Variants in PCDH9 observed in about 807,000 individuals in gnomAD.
PCDH9 encodes the protein protocadherin 9, also known as protocadherin-9.
In PCDH9, 24 loss-of-function variants were observed where a neutral mutation model predicts 70.6. The ratio of observed to expected loss-of-function variants is 0.34; its 90% confidence interval spans 0.25 to 0.48. The LOEUF (loss-of-function observed/expected upper bound fraction) is 0.48, where lower values mean the gene tolerates loss of function less well. Ranked by LOEUF, PCDH9 falls within the 20% of genes least tolerant of loss-of-function variation. The pLI is 0.99. For missense variants in PCDH9, 1,281 were observed against 1,503.6 expected, an observed-to-expected ratio of 0.85 and a Z score of 2.45; for synonymous variants, 562 against 558.5, an observed-to-expected ratio of 1.01 and a Z score of -0.09.
At chr13:66,743,667 A>T (rs908142514) in intron 3 of PCDH9, among the ~76,000 whole-genome samples, 1 of 152,256 alleles carries the variant, frequency 6.6e-6, no homozygotes, top group South Asian at 2.1e-4. Context: ...CTATAAAAAC[A>T]AATATGAGTA....
chr13:67,138,917 T>G (rs1429202438), intron 2 of PCDH9, among the ~76,000 whole-genome samples: 1 of 152,186 alleles, frequency 6.6e-6, no homozygotes, highest in Non-Finnish European at 1.5e-5. Context: ...GTGGAACAGT[T>G]ATGGTTTAAG....
chr13:66,976,434 A>G (rs982887615), intron 2 of PCDH9, among the ~76,000 whole-genome samples: 5 of 151,928 alleles, frequency 3.3e-5, no homozygotes, highest in African/African-American at 1.2e-4. Context: ...TTTGGGTGAA[A>G]CTCATTTTCT....
intron 4 of PCDH9, among the ~76,000 whole-genome samples, chr13:66,366,830 A>T (rs529600112): frequency 6.6e-6 from 1 of 152,230 alleles, no homozygotes; most frequent in Non-Finnish European, 1.5e-5. Context: ...ATATGTGATT[A>T]TACTTAAATT....
chr13:66,678,961 C>T (rs181246267), intron 3 of PCDH9, among the ~76,000 whole-genome samples: 379 of 150,974 alleles, frequency 2.5e-3, no homozygotes, highest in African/African-American at 8.7e-3. Flanking sequence ...ATATATACAT[C>T]CAGTATATAT....
At chr13:66,486,497 A>G (rs1030732622) in intron 4 of PCDH9, among the ~76,000 whole-genome samples, 1 of 152,004 alleles carries the variant, frequency 6.6e-6, no homozygotes, top group African/African-American at 2.4e-5. Flanking sequence ...TTAGCCAGGC[A>G]TGATGGCATA....
chr13:67,162,946 T>C (rs1179829773), intron 2 of PCDH9, among the ~76,000 whole-genome samples: 1 of 152,202 alleles, frequency 6.6e-6, no homozygotes, highest in East Asian at 1.9e-4. Context: ...GTGAAAATCA[T>C]GTATGTACTT....
intron 2 of PCDH9, among the ~76,000 whole-genome samples, chr13:67,008,305 GA>G (rs1175874803): frequency 6.6e-6 from 1 of 152,092 alleles, no homozygotes; most frequent in Non-Finnish European, 1.5e-5. Flanking sequence ...ACTGGGAAAA[GA>G]ACTGTATCAC....
At chr13:66,605,114 A>T (rs1004537007) in intron 4 of PCDH9, among the ~76,000 whole-genome samples, 5 of 152,062 alleles carry the variant, frequency 3.3e-5, no homozygotes, top group Admixed American at 6.6e-5. Context: ...GCTATACCAC[A>T]TATATCATCT....
At chr13:66,347,775 C>T (rs1956234416) in intron 4 of PCDH9, among the ~76,000 whole-genome samples, 1 of 152,114 alleles carries the variant, frequency 6.6e-6, no homozygotes. Context: ...GCTAATTGTC[C>T]AGGTGGAAAA....
intron 2 of PCDH9, among the ~76,000 whole-genome samples, chr13:67,057,537 T>C (rs1413244343): frequency 6.6e-6 from 1 of 152,062 alleles, no homozygotes; most frequent in African/African-American, 2.4e-5. Flanking sequence ...ATAGCTATAG[T>C]ATTATCTACC....
intron 3 of PCDH9, among the ~76,000 whole-genome samples, chr13:66,695,572 C>A (rs2078550822): frequency 6.6e-6 from 1 of 152,126 alleles, no homozygotes; most frequent in African/African-American, 2.4e-5. Flanking sequence ...AATTACATAG[C>A]AAGAGAGGTT....
At chr13:67,134,184 A>T (rs1463080757) in intron 2 of PCDH9, among the ~76,000 whole-genome samples, 1 of 152,142 alleles carries the variant, frequency 6.6e-6, no homozygotes. Context: ...TTAAATAAAA[A>T]AACTAAAGCC....
At chr13:67,079,981 G>A (rs971506848) in intron 2 of PCDH9, among the ~76,000 whole-genome samples, 4 of 152,090 alleles carry the variant, frequency 2.6e-5, no homozygotes, top group African/African-American at 9.7e-5. Context: ...GCTTTGAGAT[G>A]TCTGATCTTT....
intron 2 of PCDH9, among the ~76,000 whole-genome samples, chr13:67,029,463 T>C (rs917958279): frequency 1.5e-4 from 23 of 152,210 alleles, no homozygotes; most frequent in African/African-American, 5.3e-4. Context: ...GTATCTCCTA[T>C]GTTTTTATTT....
intron 2 of PCDH9, among the ~76,000 whole-genome samples, chr13:67,061,516 G>T (rs913092429): frequency 1.3e-5 from 2 of 152,020 alleles, no homozygotes; most frequent in African/African-American, 4.8e-5. Flanking sequence ...CATTTGAAAT[G>T]ACATCATGAC....
chr13:66,413,961 A>G (rs1593938838), intron 4 of PCDH9, among the ~76,000 whole-genome samples: 1 of 152,066 alleles, frequency 6.6e-6, no homozygotes, highest in Non-Finnish European at 1.5e-5. Flanking sequence ...TTATCTTCAA[A>G]TGTGGTTCTT....
At chr13:66,605,293 A>G (rs1218211191) in intron 4 of PCDH9, among the ~76,000 whole-genome samples, 1 of 152,104 alleles carries the variant, frequency 6.6e-6, no homozygotes, top group African/African-American at 2.4e-5. Flanking sequence ...GGATTTGTGG[A>G]GACAAGGTAC....
At chr13:66,999,914 G>A (rs2084203696) in intron 2 of PCDH9, among the ~76,000 whole-genome samples, 1 of 152,162 alleles carries the variant, frequency 6.6e-6, no homozygotes, top group South Asian at 2.1e-4. Context: ...CATTGTGGAA[G>A]TCAGTGTGGC....
At chr13:66,600,524 C>T (rs139914617) in intron 4 of PCDH9, among the ~76,000 whole-genome samples, 175 of 151,760 alleles carry the variant, frequency 1.2e-3, no homozygotes, top group African/African-American at 3.6e-3. Context: ...AATTTTTTTC[C>T]CTAACATTTT....
Sources: allele counts gnomAD v4.1 joint callset (sites outside exome capture counted in the v4.1 genomes callset), GRCh38; gene constraint gnomAD v4.1.1; transcripts MANE v1.5; gene names NCBI Gene and HGNC (gene_info 2026-07-23, HGNC 2026-07-21).